PLIN4: variants seen among roughly 807,000 people sequenced by gnomAD.
PLIN4 encodes the protein perilipin 4.
Under a neutral mutation model 52.4 loss-of-function variants are expected in PLIN4, and 57 were observed. The observed-to-expected ratio is 1.09, with a 90% confidence interval of 0.88 to 1.36. The LOEUF (loss-of-function observed/expected upper bound fraction) is 1.36, where lower values mean the gene tolerates loss of function less well. Among genes scored for constraint, PLIN4 ranks in the 40% most tolerant of loss-of-function variants. PLIN4 has a pLI of 0.00. For synonymous variants in PLIN4, 826 were observed against 785.4 expected (o/e 1.05, Z -0.86); for missense variants, 1,757 against 1,770.3 (o/e 0.99, Z 0.13).
chr19:4,516,559 G>A (rs1280169673), intron 4 of PLIN4, 58 bp downstream of exon 4: 3 of 1,545,270 alleles, frequency 1.9e-6, no homozygotes, highest in East Asian at 4.9e-5. Flanking sequence ...AAATGTCGCA[G>A]GAGGGGGCAC....
chr19:4,513,823 C>A, intron 4 of PLIN4, 122 bp from the exon 5 acceptor site: 2 of 1,273,658 alleles, frequency 1.6e-6, no homozygotes, highest in South Asian at 3.3e-5. Flanking sequence ...CCAGAGGCCC[C>A]ACCTCCTCAA....
Position 4,502,411 on chromosome 19 carries a change from C to G in PLIN4, c.*2048G>C, listed in dbSNP as rs1163460460. 4 of 343,966 alleles carry G rather than the reference C, an allele frequency of 1.2e-5. No homozygotes were observed. Among genetic ancestry groups the G allele is most frequent in the African/African-American group, 8.8e-5 (4 of 45,526 alleles). 21.3% of individuals were successfully genotyped at this position (343,966 alleles called of 1,614,324 possible). ...GAGCTGGGCGGGAGCAAGCTCTTCC[C>G]AGGAGACAAGAGGGACAAACCAGGG... On this transcript the variant is annotated 3_prime_UTR_variant, in exon 8 of 8. Transcript: ENST00000301286.
chr19:4,513,340 G>C lies in PLIN4; in HGVS notation c.620C>G (p.Thr207Ser). 6.2e-7 allele frequency: 1 copy of C among 1,612,408 alleles called. No individual in the cohort carries two copies. The highest frequency in any genetic ancestry group is 8.5e-7 in the Non-Finnish European group (1 of 1,179,564). Residue 207 changes from threonine (T) to serine (S), a missense_variant, in exon 5 of 8, where the codon ACT becomes AGT. Physicochemically the swap from Thr to Ser is moderately conservative, Grantham distance 58 (BLOSUM62 1). Around this residue, in one of 7 missense-constraint regions of PLIN4, gnomAD observed 332 missense variants for 310.8 expected, o/e 1.07. Coordinates refer to ENST00000301286, the MANE Select transcript of PLIN4 (RefSeq NM_001367868.2). ...VLTGTKDTVT[T>S]GVMGAVNLAK... ...CAAGTTCACTGCCCCCATGACCCCA[G>C]TAGTCACTGTGTCTTTGGTGCCGGT... is the stretch of plus-strand genomic sequence containing the variant.
At chr19:4,508,216 T>A (rs114903643) in intron 6 of PLIN4, among the ~76,000 whole-genome samples, 5,364 of 152,178 alleles carry the variant, frequency 0.035, 204 homozygotes, top group African/African-American at 0.087. Flanking sequence ...CCAGCCCACA[T>A]CCCCCTCTGC....
intron 3 of PLIN4, 77 bp from the exon 4 acceptor site, chr19:4,516,755 G>A: frequency 1.5e-6 from 2 of 1,338,640 alleles, no homozygotes; most frequent in South Asian, 1.5e-5. Context: ...TTGCACAATA[G>A]CCAGGCACAG....
chr19:4,512,654 C>T lies in PLIN4; in HGVS notation c.1306G>A (p.Val436Ile), dbSNP rs536634451. Residue 436 changes from valine (V) to isoleucine (I), a missense_variant, in exon 5 of 8, where the codon GTC (valine) becomes ATC (isoleucine). Transcript: ENST00000301286. ...ATGGCACCAGTCACCCCACTGCAGA[C>T]GGTGTCCTTTGTACCTGTTGCGATA... Reference protein sequence around the residue: ...QNIATGTKDTVCSGVTGAMNL... With the variant: ...QNIATGTKDTICSGVTGAMNL... The T allele has an allele frequency of 2.2e-5, 35 of 1,570,848 alleles. 3 individuals carry two copies. Among genetic ancestry groups the T allele is most frequent in the African/African-American group, 5.2e-5 (3 of 57,442 alleles).
In PLIN4 at chr19:4,511,208, C is replaced by T; in HGVS notation, c.2752G>A (p.Asp918Asn). The change falls in exon 5 of 8, where the codon GAC (aspartate) becomes AAC (asparagine). Residue 918 changes from aspartate (D) to asparagine (N), a missense_variant. By Grantham distance (23) the Asp-to-Asn change is conservative. This residue lies in a region of PLIN4 where 712 missense variants were observed against 637.1 expected (regional missense o/e 1.12). Coordinates refer to ENST00000301286, the MANE Select transcript of PLIN4 (RefSeq NM_001367868.2). Reference protein sequence around the residue: ...LAKGTVQTGVDTSKTVLTGTK... With the variant: ...LAKGTVQTGVNTSKTVLTGTK... ...CCGGTCAGGACAGTCTTGCTGGTGTCCACGCCGGTCTGGACAGTCCCTTTG... is the reference window on the plus strand; with the variant it reads ...CCGGTCAGGACAGTCTTGCTGGTGTTCACGCCGGTCTGGACAGTCCCTTTG... 6.2e-7 allele frequency: 1 copy of T among 1,612,502 alleles called. No homozygotes were observed. The highest frequency in any genetic ancestry group is 8.5e-7 in the Non-Finnish European group (1 of 1,179,004).
In PLIN4 at chr19:4,518,426, G is replaced by A. The variant is rs1379996866; in HGVS notation, c.-59C>T. 5.5e-5 allele frequency: 67 copies of A among 1,227,976 alleles called. No individual in the cohort carries two copies. The highest frequency in any genetic ancestry group is 6.4e-5 in the Non-Finnish European group (63 of 986,172). 76.1% of individuals were successfully genotyped at this position (1,227,976 alleles called of 1,614,324 possible). On this transcript the variant is annotated 5_prime_UTR_variant, in exon 1 of 8. Transcript: ENST00000301286. ...ACCCTGGTGTCACCGAAGCAGACGC[G>A]GCCCCGCTCACCTGGACTGCGCGGG...
At position 4,504,370 on chromosome 19, in the gene PLIN4, C is replaced by G. The variant is rs1433593722; in HGVS notation, c.*89G>C. 2.3e-6 allele frequency: 3 copies of G among 1,299,076 alleles called. No individual in the cohort carries two copies. The highest frequency in any genetic ancestry group is 3.1e-6 in the Non-Finnish European group (3 of 976,348). 80.5% of individuals were successfully genotyped at this position (1,299,076 alleles called of 1,614,324 possible). A position where few individuals can be genotyped will look rare whatever the true frequency, so the allele number is the denominator to read the frequency against. On this transcript the variant is annotated 3_prime_UTR_variant, in exon 8 of 8. Coordinates refer to ENST00000301286, the MANE Select transcript of PLIN4 (RefSeq NM_001367868.2). ...AGGTCTAGGGCTTTAGGGAACCGAT[C>G]CAGGTTTGGGGGCGGGGAGAAAGTT...
At position 4,502,450 on chromosome 19, in the gene PLIN4, C is replaced by G. The variant is rs1339652828; in HGVS notation, c.*2009G>C. 2 of 322,524 alleles carry G rather than the reference C, an allele frequency of 6.2e-6. No individual in the cohort carries two copies. Among genetic ancestry groups the G allele is most frequent in the Non-Finnish European group, 1.2e-5 (2 of 171,084 alleles). 20.0% of individuals were successfully genotyped at this position (322,524 alleles called of 1,614,324 possible). ...GACAAACCAGGGCATCTAAGCTGTG[C>G]TGCCTGCGCCCTGCCCCGCACCCAC... On this transcript the variant is annotated 3_prime_UTR_variant, in exon 8 of 8. Transcript: ENST00000301286.
Position 4,509,145 on chromosome 19 carries a change from T to TA in PLIN4, c.3515-191dup, listed in dbSNP as rs1284621875. On this transcript the variant is annotated intron_variant, in intron 5 of 7. Coordinates refer to ENST00000301286, the MANE Select transcript of PLIN4 (RefSeq NM_001367868.2). ...TAACACGGTGAAACCCCGTCTCTAC[T>TA]AAAAAAATACAAAAAATTAGCCGGG... 2.3e-3 allele frequency among the ~76,000 whole-genome samples: 342 copies of TA among 149,942 alleles called. 1 individual carries two copies. The highest frequency in any genetic ancestry group is 8.1e-3 in the African/African-American group (331 of 40,780).
intron 4 of PLIN4, among the ~76,000 whole-genome samples, chr19:4,514,277 C>A (rs1008322074): frequency 2.0e-5 from 3 of 151,948 alleles, no homozygotes; most frequent in African/African-American, 7.3e-5. Context: ...CCAAACAAGA[C>A]CCAGTCTCTA....
chr19:4,510,583 C>T lies in PLIN4; in HGVS notation c.3377G>A (p.Gly1126Glu). 1.3e-6 allele frequency: 2 copies of T among 1,504,184 alleles called. No individual in the cohort carries two copies. The highest frequency in any genetic ancestry group is 1.4e-5 in the South Asian group (1 of 72,690). The allele number at this position is 1,504,184 out of a possible 1,614,324, so 93.2% of individuals were successfully genotyped here. ...CGTGTCCTCCCTGCCTGGGGCGGCCCCTTGGGTGAACGTCGCCACGTCAGT... is the reference window on the plus strand; with the variant it reads ...CGTGTCCTCCCTGCCTGGGGCGGCCTCTTGGGTGAACGTCGCCACGTCAGT... ...LATDVATFTQ[G>E]AAPGREDTGL... is the part of the protein sequence containing the mutation. Residue 1126 changes from glycine (G) to glutamate (E), a missense_variant, in exon 5 of 8, where the codon GGG becomes GAG. By Grantham distance (98) the Gly-to-Glu change is moderately conservative. Transcript: ENST00000301286.
rs1451796922 is a variant in PLIN4 at position 4,518,297 on chromosome 19, G to A, written c.-17-8C>T. 6.5e-6 allele frequency: 8 copies of A among 1,232,460 alleles called. No homozygotes were observed. Among genetic ancestry groups the A allele is most frequent in the Non-Finnish European group, 7.1e-6 (7 of 988,388 alleles). 76.3% of individuals were successfully genotyped at this position (1,232,460 alleles called of 1,614,324 possible). On this transcript the variant is annotated splice_polypyrimidine_tract_variant and splice_region_variant and intron_variant, in intron 1 of 7. Coordinates refer to ENST00000301286, the MANE Select transcript of PLIN4 (RefSeq NM_001367868.2). ...TAGTGAGAACGTGAGAAGCTGGAAG[G>A]GGGCAGAGAAGGTGCGTGAATGGGG...
rs71168909 is a variant in PLIN4 at position 4,509,310 on chromosome 19, C to CAAAAAAAAAAAA, written c.3515-367_3515-356dup. ...TGGGTAAGAGTGCGAGACTCCGTCT[C>CAAAAAAAAAAAA]AAAAAAAAAAAAAAAGTTAAGTGAG... On this transcript the variant is annotated intron_variant, in intron 5 of 7. Transcript: ENST00000301286. Among the ~76,000 whole-genome samples the CAAAAAAAAAAAA allele has an allele frequency of 1.8e-3, 28 of 15,788 alleles. 7 individuals are homozygous for CAAAAAAAAAAAA. The highest frequency in any genetic ancestry group is 3.5e-3 in the East Asian group (2 of 568). 10.4% of individuals were successfully genotyped at this position (15,788 alleles called of 152,430 possible).
intron 6 of PLIN4, among the ~76,000 whole-genome samples, chr19:4,508,560 C>G (rs575309025): frequency 2.2e-4 from 33 of 152,360 alleles, no homozygotes; most frequent in Non-Finnish European, 3.7e-4. Context: ...AGCCACCGCA[C>G]CCAGCCTACC....
At position 4,512,184 on chromosome 19, in the gene PLIN4, G is replaced by A. The variant is rs374289800; in HGVS notation, c.1776C>T (p.Thr592=). Residue 592 remains threonine (T), a synonymous_variant, in exon 5 of 8, where the codon ACC becomes ACT. Coordinates refer to ENST00000301286, the MANE Select transcript of PLIN4 (RefSeq NM_001367868.2). ...CTGTGTCCTTGGTGCCGGTCAGCACGGTCTTGGCTGTGTCTACACCTGTCT... is the reference window on the plus strand; with the variant it reads ...CTGTGTCCTTGGTGCCGGTCAGCACAGTCTTGGCTGTGTCTACACCTGTCT... The part of the protein sequence containing the change: ...AVQTGVDTAK[T]VLTGTKDTVT... 391 of 1,609,518 alleles carry A rather than the reference G, an allele frequency of 2.4e-4. 1 individual carries two copies. Among genetic ancestry groups the A allele is most frequent in the Non-Finnish European group, 2.8e-4 (331 of 1,178,850 alleles).
At chr19:4,509,345 G>A (rs868755844) in intron 5 of PLIN4, among the ~76,000 whole-genome samples, 10 of 77,014 alleles carry the variant, frequency 1.3e-4, no homozygotes, top group East Asian at 1.1e-3. Context: ...GGCCAGGCGC[G>A]GTGGCTCACG....
At chr19:4,510,380 A>AT in intron 5 of PLIN4, 66 bp downstream of exon 5, 1 of 1,316,492 alleles carries the variant, frequency 7.6e-7, no homozygotes, top group East Asian at 2.8e-5. Context: ...AAAAAAACAA[A>AT]ACAGTCAAGG....
Sources: gnomAD v4.1 joint callset for allele counts (sites outside exome capture counted in the v4.1 genomes callset) on GRCh38, gnomAD v4.1.1 for gene constraint, gnomAD v4.1.1 regional missense constraint, MANE v1.5 for transcripts, NCBI Gene and HGNC (gene_info 2026-07-23, HGNC 2026-07-21) for gene names.